The following FAM53A variants were observed in gnomAD, a reference collection of about 807,000 sequenced individuals.
The protein encoded by FAM53A is protein FAM53A.
FAM53A carries 28 observed loss-of-function variants against 26.6 expected under a neutral mutation model. That is an observed-to-expected ratio of 1.05 (90% CI 0.78 to 1.45). The LOEUF is 1.45. Among genes scored for constraint, FAM53A ranks in the 40% most tolerant of loss-of-function variants. FAM53A has a pLI of 0.00. For missense variants in FAM53A, 650 were observed against 575.8 expected, an observed-to-expected ratio of 1.13 and a Z score of -1.32; for synonymous variants, 290 against 253.1, an observed-to-expected ratio of 1.15 and a Z score of -1.38.
chr4:1,672,097 CCCAGGAACCCACAGAT>C (rs1198835846), intron 1 of FAM53A, among the ~76,000 whole-genome samples: 1 of 148,986 alleles, frequency 6.7e-6, no homozygotes, highest in Non-Finnish European at 1.5e-5. Context: ...AACCCACGAA[CCCAGGAACCCACAGAT>C]CCAGGAACCC....
intron 4 of FAM53A, among the ~76,000 whole-genome samples, chr4:1,647,250 G>A (rs1282866724): frequency 2.0e-5 from 3 of 151,542 alleles, no homozygotes; most frequent in African/African-American, 7.3e-5. Context: ...GCAGAGAATC[G>A]CTTGAACCTG....
At chr4:1,666,689 G>A (rs1032799174) in intron 2 of FAM53A, among the ~76,000 whole-genome samples, 1 of 152,248 alleles carries the variant, frequency 6.6e-6, no homozygotes, top group African/African-American at 2.4e-5. Context: ...CCTTAAAAAT[G>A]TTTTCTCCAT....
At chr4:1,657,592 T>C (rs1229099058) in intron 2 of FAM53A, 124 bp from the exon 3 acceptor site, 1 of 811,112 alleles carries the variant, frequency 1.2e-6, no homozygotes, top group Non-Finnish European at 2.0e-6. Flanking sequence ...GTGATTAAAA[T>C]AAGCACAGTT....
chr4:1,666,820 C>T (rs796147443), intron 2 of FAM53A, among the ~76,000 whole-genome samples: 3 of 152,264 alleles, frequency 2.0e-5, no homozygotes, highest in African/African-American at 7.2e-5. Context: ...ATGGTGAAAC[C>T]CCGTCTCTAC....
downstream of FAM53A, among the ~76,000 whole-genome samples, chr4:1,637,000 G>A (rs756546168): frequency 5.3e-5 from 8 of 152,198 alleles, no homozygotes; most frequent in African/African-American, 7.2e-5. Context: ...CACATGCGGC[G>A]GCGAGCACGA....
chr4:1,651,901 G>A (rs1712822479), intron 4 of FAM53A, among the ~76,000 whole-genome samples: 1 of 151,892 alleles, frequency 6.6e-6, no homozygotes, highest in South Asian at 2.1e-4. Flanking sequence ...TTCCCACACA[G>A]CGGGGGTTTC....
At chr4:1,614,047 C>T (rs938709423), downstream of FAM53A, among the ~76,000 whole-genome samples, 8 of 152,204 alleles carry the variant, frequency 5.3e-5, no homozygotes, top group African/African-American at 1.4e-4. Context: ...GGTATGCTCA[C>T]GCGACCAGCC....
chr4:1,625,406 C>T (rs112982720), intron 1 of FAM53A, among the ~76,000 whole-genome samples: 5 of 58,252 alleles, frequency 8.6e-5, no homozygotes, highest in African/African-American at 1.2e-4. Flanking sequence ...GAAGCCCCCA[C>T]GTCCCGACCC....
intron 1 of FAM53A, among the ~76,000 whole-genome samples, chr4:1,682,496 C>T (rs147607450): frequency 2.0e-5 from 3 of 152,076 alleles, no homozygotes; most frequent in Non-Finnish European, 2.9e-5. Flanking sequence ...CTCCTGACCT[C>T]GTGATCTGCC....
At chr4:1,603,100 G>C in the FAM53A span, among the ~76,000 whole-genome samples, 1 of 152,244 alleles carries the variant, frequency 6.6e-6, no homozygotes, top group Non-Finnish European at 1.5e-5. Context: ...CAGTGCGGCG[G>C]CTCCTGCTCG....
the FAM53A span, among the ~76,000 whole-genome samples, chr4:1,576,097 T>C: frequency 3.3e-5 from 5 of 152,282 alleles, no homozygotes; most frequent in South Asian, 4.2e-4. Context: ...GGTGAGAGCA[T>C]GCTAATATTG....
chr4:1,637,733 G>C (rs1385131852), downstream of FAM53A, among the ~76,000 whole-genome samples: 1 of 152,140 alleles, frequency 6.6e-6, no homozygotes, highest in Non-Finnish European at 1.5e-5. Context: ...TTGGGACTGA[G>C]GAGTGGCCTC....
At chr4:1,579,765 G>C in the FAM53A span, among the ~76,000 whole-genome samples, 1 of 152,150 alleles carries the variant, frequency 6.6e-6, no homozygotes. Flanking sequence ...CTGGCCAGGA[G>C]TGTCCGCGCT....
chr4:1,605,335 C>T, the FAM53A span, among the ~76,000 whole-genome samples: 2 of 152,016 alleles, frequency 1.3e-5, no homozygotes, highest in South Asian at 2.1e-4. The surrounding 1 kb of genome is among the most constrained non-coding windows in gnomAD (Gnocchi z 5.7). Flanking sequence ...TCCTCACAGC[C>T]CAGCTCCAGG....
downstream of FAM53A, among the ~76,000 whole-genome samples, chr4:1,638,575 G>A (rs1461182161): frequency 1.3e-5 from 2 of 152,190 alleles, no homozygotes; most frequent in Admixed American, 1.3e-4. Context: ...GATGAGGTAG[G>A]GTAGGAGGTG....
In FAM53A at chr4:1,630,331, G is replaced by A. The variant is rs115344812; in HGVS notation, c.432-12220C>T. Among the ~76,000 whole-genome samples, 1,776 of 152,340 alleles carry A rather than the reference G, an allele frequency of 0.012. 17 individuals carry two copies. The highest frequency in any genetic ancestry group is 0.02 in the Non-Finnish European group (1,331 of 68,032). On this transcript the variant is annotated intron_variant, in intron 1 of 1. Transcript: ENST00000489029. The surrounding 1 kb of genome is among the most constrained non-coding windows in gnomAD (Gnocchi z 4.3). ...TGTTGTGGCCCCCATGGTGTCTGCT[G>A]AGACCACTCACCTCTGCCACTGCAG... is the stretch of plus-strand genomic sequence containing the variant.
chr4:1,656,103 C>T (rs983533744), intron 3 of FAM53A, among the ~76,000 whole-genome samples: 11 of 152,216 alleles, frequency 7.2e-5, no homozygotes, highest in Admixed American at 6.5e-4. Flanking sequence ...GCGGCTACCC[C>T]GGCCAGGACT....
At chr4:1,590,289 A>G in the FAM53A span, among the ~76,000 whole-genome samples, 1 of 152,176 alleles carries the variant, frequency 6.6e-6, no homozygotes, top group Admixed American at 6.5e-5. Flanking sequence ...TGGCTGAAAT[A>G]AGCAGCCCGA....
downstream of FAM53A, among the ~76,000 whole-genome samples, chr4:1,617,094 A>ACCACGGCACTCCAGCCATATACT (rs2108734310): frequency 6.7e-6 from 1 of 149,578 alleles, no homozygotes; most frequent in South Asian, 2.1e-4. Flanking sequence ...CTGAGATAGC[A>ACCACGGCACTCCAGCCATATACT]CCACTGCACT....
Sources: allele counts gnomAD v4.1 joint callset (sites outside exome capture counted in the v4.1 genomes callset), GRCh38; gene constraint gnomAD v4.1.1; non-coding constraint Gnocchi (gnomAD v3.1); transcripts MANE v1.5; gene names NCBI Gene and HGNC (gene_info 2026-07-23, HGNC 2026-07-21).